Variants in SLC2A13 observed in about 807,000 individuals in gnomAD.
The protein encoded by SLC2A13 is solute carrier family 2 member 13.
In SLC2A13, 32 loss-of-function variants were observed where a neutral mutation model predicts 64.4. The observed-to-expected ratio is 0.50, with a 90% confidence interval of 0.37 to 0.67. The LOEUF (loss-of-function observed/expected upper bound fraction) is 0.67. Ranked by LOEUF, SLC2A13 falls within the 30% of genes least tolerant of loss-of-function variation. SLC2A13 has a pLI of 0.00. For missense variants in SLC2A13, 743 were observed against 829.2 expected (o/e 0.90, Z 1.28); for synonymous variants, 338 against 327.1 (o/e 1.03, Z -0.36).
chr12:39,892,204 T>C, intron 4 of SLC2A13, among the ~76,000 whole-genome samples: 1 of 152,246 alleles, frequency 6.6e-6, no homozygotes, highest in East Asian at 1.9e-4. Context: ...TATATTTCTG[T>C]AATTAATAAG....
chr12:39,763,576 T>C (rs1255056555), intron 9 of SLC2A13, among the ~76,000 whole-genome samples: 1 of 151,988 alleles, frequency 6.6e-6, no homozygotes, highest in Non-Finnish European at 1.5e-5. Context: ...CAGACAAACC[T>C]GTTCTTGCAA....
At chr12:39,768,691 G>T (rs1476489722) in intron 7 of SLC2A13, among the ~76,000 whole-genome samples, 1 of 151,972 alleles carries the variant, frequency 6.6e-6, no homozygotes. Flanking sequence ...GGTGCAGTTT[G>T]TGATGCCCGA....
intron 7 of SLC2A13, among the ~76,000 whole-genome samples, chr12:39,777,881 A>G (rs1255230023): frequency 6.6e-6 from 1 of 152,220 alleles, no homozygotes; most frequent in African/African-American, 2.4e-5. Context: ...CTTCTGGTAC[A>G]CAGAGGCAAG....
At chr12:40,004,595 C>A (rs1360300585) in intron 3 of SLC2A13, among the ~76,000 whole-genome samples, 1 of 150,576 alleles carries the variant, frequency 6.6e-6, no homozygotes. Flanking sequence ...ACAGACTGGG[C>A]AATGAGTAAA....
chr12:39,847,894 G>C (rs1329618784), intron 6 of SLC2A13, among the ~76,000 whole-genome samples: 1 of 152,074 alleles, frequency 6.6e-6, no homozygotes, highest in Non-Finnish European at 1.5e-5. Flanking sequence ...ATATATACTT[G>C]TGTACGGGTT....
intron 1 of SLC2A13, among the ~76,000 whole-genome samples, chr12:40,095,877 A>G (rs563027666): frequency 8.5e-5 from 13 of 152,176 alleles, no homozygotes; most frequent in South Asian, 4.1e-4. Flanking sequence ...GCAGAAAATC[A>G]TATTTTCCTA....
At chr12:39,844,416 C>T (rs1201211312) in intron 6 of SLC2A13, among the ~76,000 whole-genome samples, 1 of 151,986 alleles carries the variant, frequency 6.6e-6, no homozygotes, top group Non-Finnish European at 1.5e-5. Flanking sequence ...AGTTCTTATA[C>T]TAAGAGGCTC....
intron 7 of SLC2A13, chr12:39,802,144 G>A (rs1216243723): frequency 6.6e-6 from 1 of 152,206 alleles, no homozygotes; most frequent in Non-Finnish European, 1.5e-5. Flanking sequence ...TAATCTTTGC[G>A]ACTGCATATG....
intron 7 of SLC2A13, among the ~76,000 whole-genome samples, chr12:39,778,024 G>A (rs1385032702): frequency 6.6e-6 from 1 of 152,174 alleles, no homozygotes; most frequent in East Asian, 1.9e-4. Context: ...GGCTTCAGCT[G>A]TAAACATTCA....
chr12:39,889,557 C>T (rs1944551246), intron 4 of SLC2A13, among the ~76,000 whole-genome samples: 1 of 136,574 alleles, frequency 7.3e-6, no homozygotes, highest in Non-Finnish European at 1.5e-5. Flanking sequence ...TTTTTGAGAC[C>T]AAGTCTCACT....
chr12:40,067,791 T>C (rs1937792050), intron 1 of SLC2A13, among the ~76,000 whole-genome samples: 1 of 152,196 alleles, frequency 6.6e-6, no homozygotes, highest in South Asian at 2.1e-4. Context: ...CCCCAAACTT[T>C]ATATTAGTCA....
intron 6 of SLC2A13, among the ~76,000 whole-genome samples, chr12:39,830,753 A>T (rs987724294): frequency 6.6e-6 from 1 of 152,228 alleles, no homozygotes; most frequent in Non-Finnish European, 1.5e-5. Flanking sequence ...AAATAAAAAT[A>T]CTACTACTCA....
intron 3 of SLC2A13, among the ~76,000 whole-genome samples, chr12:39,967,811 T>C (rs1946548160): frequency 6.6e-6 from 1 of 152,134 alleles, no homozygotes; most frequent in African/African-American, 2.4e-5. Flanking sequence ...GGGAGTTGGA[T>C]GGTGTAAAGG....
At chr12:40,091,207 C>A (rs184005093) in intron 1 of SLC2A13, among the ~76,000 whole-genome samples, 1 of 152,162 alleles carries the variant, frequency 6.6e-6, no homozygotes, top group Non-Finnish European at 1.5e-5. Context: ...CCATCCTATA[C>A]GCAGTCATCC....
intron 7 of SLC2A13, among the ~76,000 whole-genome samples, chr12:39,777,452 A>C (rs964472142): frequency 3.9e-5 from 6 of 152,246 alleles, no homozygotes; most frequent in African/African-American, 1.4e-4. Context: ...TTTAAATGAT[A>C]TGGAAGGGAA....
At chr12:39,849,291 T>C (rs1943402526) in intron 6 of SLC2A13, among the ~76,000 whole-genome samples, 1 of 152,152 alleles carries the variant, frequency 6.6e-6, no homozygotes, top group South Asian at 2.1e-4. Flanking sequence ...CAATGTGCAT[T>C]GGTGAATGCA....
rs2135702984 is a variant in SLC2A13, at chr12:39,757,966, T to G, written c.*2060A>C. ...GGTCTACTTTTTCTCCTTATTATAT[T>G]TTGATTGTACCATATAGTAGCTTAT... On this transcript the variant is annotated 3_prime_UTR_variant, in exon 10 of 10. Transcript: ENST00000280871. The G allele has an allele frequency of 6.6e-6, 1 of 152,258 alleles. No individual in the cohort carries two copies. The highest frequency in any genetic ancestry group is 2.1e-4 in the South Asian group (1 of 4,824). 9.4% of individuals were successfully genotyped at this position (152,258 alleles called of 1,614,324 possible). A position where few individuals can be genotyped will look rare whatever the true frequency, so the allele number is the denominator to read the frequency against.
At chr12:39,863,901 G>C (rs1943834954) in intron 6 of SLC2A13, among the ~76,000 whole-genome samples, 1 of 152,150 alleles carries the variant, frequency 6.6e-6, no homozygotes, top group Non-Finnish European at 1.5e-5. Context: ...ATTTCATATA[G>C]GGTTGTATGA....
At chr12:39,843,423 G>C (rs1000453460) in intron 6 of SLC2A13, among the ~76,000 whole-genome samples, 4 of 151,870 alleles carry the variant, frequency 2.6e-5, no homozygotes, top group Non-Finnish European at 5.9e-5. Context: ...ATTTTATATG[G>C]CCTTTTGCAG....
Sources: gnomAD v4.1 joint callset for allele counts (sites outside exome capture counted in the v4.1 genomes callset) on GRCh38, gnomAD v4.1.1 for gene constraint, MANE v1.5 for transcripts, NCBI Gene and HGNC (gene_info 2026-07-23, HGNC 2026-07-21) for gene names.